FBRSL1: variants seen among roughly 807,000 people sequenced by gnomAD.
FBRSL1 encodes fibrosin-1-like protein.
Under a neutral mutation model 89.6 loss-of-function variants are expected in FBRSL1, and 51 were observed. The observed-to-expected ratio is 0.57, with a 90% CI of 0.45 to 0.72. The LOEUF is 0.72. Ranked by LOEUF, FBRSL1 falls within the 30% of genes least tolerant of loss-of-function variation. The pLI is 0.00. For synonymous variants in FBRSL1, 779 were observed against 681.1 expected, an observed-to-expected ratio of 1.14 and a Z score of -2.24; for missense variants, 1,618 against 1,451.8, an observed-to-expected ratio of 1.11 and a Z score of -1.86.
chr12:132,517,467 GC>G (rs1180295729), intron 2 of FBRSL1, among the ~76,000 whole-genome samples: 3 of 152,074 alleles, frequency 2.0e-5, no homozygotes, highest in Non-Finnish European at 4.4e-5. Context: ...TGGTCATTCC[GC>G]CCCTGTTCTG....
chr12:132,541,698 G>A (rs114682696), intron 4 of FBRSL1, among the ~76,000 whole-genome samples: 1,898 of 152,356 alleles, frequency 0.012, 38 homozygotes, highest in African/African-American at 0.042. Context: ...AGCCCTGGGG[G>A]CTGCCGGTGC....
At chr12:132,574,279 T>C (rs2137979266) in intron 12 of FBRSL1, 40 bp from the exon 13 acceptor site, 1 of 1,493,362 alleles carries the variant, frequency 6.7e-7, no homozygotes, top group Non-Finnish European at 8.9e-7. Context: ...CTCAGCCTCC[T>C]GAGGGGCCCG....
intron 1 of FBRSL1, among the ~76,000 whole-genome samples, chr12:132,495,269 G>C (rs1017437406): frequency 6.6e-6 from 1 of 152,238 alleles, no homozygotes; most frequent in Non-Finnish European, 1.5e-5. Flanking sequence ...CCAGGCATAG[G>C]ATCTGGGCTG....
chr12:132,570,251 C>T lies in FBRSL1; in HGVS notation c.1007+10C>T, dbSNP rs2039917546. 1 of 1,491,452 alleles carries T rather than the reference C, an allele frequency of 6.7e-7. No individual in the cohort carries two copies. The highest frequency in any genetic ancestry group is 2.3e-5 in the Admixed American group (1 of 43,870). 92.4% of individuals were successfully genotyped at this position (1,491,452 alleles called of 1,614,324 possible). ...GCCTGCACGGCCTCAGGTGGGGTCC[C>T]CGCGGGGGACGGGGCCTGTGTGGTC... On this transcript the variant is annotated intron_variant, in intron 7 of 18. Transcript: ENST00000680143.
intron 4 of FBRSL1, 106 bp from the exon 5 acceptor site, chr12:132,547,897 C>A: frequency 7.9e-7 from 1 of 1,261,522 alleles, no homozygotes; most frequent in Non-Finnish European, 1.1e-6. Context: ...CTGGCAGCAG[C>A]CAGGGCCGCC....
At chr12:132,555,087 T>C (rs1208705684) in intron 5 of FBRSL1, 3 of 152,206 alleles carry the variant, frequency 2.0e-5, no homozygotes, top group Non-Finnish European at 4.4e-5. Flanking sequence ...TTCTGAGCCC[T>C]GGTTTCCTTG....
intron 4 of FBRSL1, among the ~76,000 whole-genome samples, chr12:132,545,194 G>A (rs940444866): frequency 6.6e-5 from 10 of 152,150 alleles, no homozygotes; most frequent in African/African-American, 2.4e-4. Context: ...TCGGGGCCTG[G>A]GGTCTGTCCT....
chr12:132,554,379 G>T (rs542218582), intron 5 of FBRSL1: 1 of 152,368 alleles, frequency 6.6e-6, no homozygotes, highest in Non-Finnish European at 1.5e-5. Flanking sequence ...AGAAACTGGG[G>T]TCTGAAAACA....
At chr12:132,545,305 G>A (rs761499969) in intron 4 of FBRSL1, among the ~76,000 whole-genome samples, 4 of 152,230 alleles carry the variant, frequency 2.6e-5, no homozygotes, top group Admixed American at 1.3e-4. Flanking sequence ...CCTCACTCGG[G>A]CAGCTTCCGA....
chr12:132,545,117 C>T (rs771231733), intron 4 of FBRSL1, among the ~76,000 whole-genome samples: 16 of 152,166 alleles, frequency 1.1e-4, no homozygotes, highest in Non-Finnish European at 2.1e-4. Context: ...TGGGGCAGTG[C>T]GGCACAGAGC....
chr12:132,495,053 G>A (rs975715884), intron 1 of FBRSL1, among the ~76,000 whole-genome samples: 9 of 152,356 alleles, frequency 5.9e-5, no homozygotes, highest in South Asian at 2.1e-4. Context: ...TGGGCATAGG[G>A]TGTGAGCCTG....
intron 5 of FBRSL1, chr12:132,554,291 C>G (rs957648727): frequency 6.6e-6 from 1 of 152,172 alleles, no homozygotes; most frequent in Non-Finnish European, 1.5e-5. Context: ...GAGGAGGTGC[C>G]GCCCCTGCCT....
In FBRSL1 at chr12:132,523,820, G is replaced by A. The variant is rs139435706; in HGVS notation, c.490-1914G>A. Among the ~76,000 whole-genome samples the A allele has an allele frequency of 2.9e-3, 447 of 152,288 alleles. 3 individuals are homozygous for A. The highest frequency in any genetic ancestry group is 0.01 in the African/African-American group (433 of 41,556). On this transcript the variant is annotated intron_variant, in intron 2 of 18. Transcript: ENST00000680143. ...CTCTGGGAGACGATGATGCATTCCC[G>A]GGACCCCGCGTTGAGAACCGCTAGG...
At chr12:132,525,610 G>A (rs1166761630) in intron 2 of FBRSL1, 124 bp from the exon 3 acceptor site, 2 of 741,332 alleles carry the variant, frequency 2.7e-6, no homozygotes, top group Admixed American at 2.5e-5. Flanking sequence ...CCCAGCGGCT[G>A]TCGGGGCGCC....
intron 5 of FBRSL1, among the ~76,000 whole-genome samples, chr12:132,563,542 TTCCGTCTGTCCGTTTGCCTG>T (rs1256133741): frequency 6.6e-6 from 1 of 152,072 alleles, no homozygotes; most frequent in South Asian, 2.1e-4. Flanking sequence ...TTGGATCTCC[TTCCGTCTGTCCGTTTGCCTG>T]TCCGTCTGTC....
intron 4 of FBRSL1, among the ~76,000 whole-genome samples, chr12:132,536,304 T>C (rs1310314171): frequency 2.7e-5 from 4 of 147,804 alleles, no homozygotes; most frequent in Non-Finnish European, 6.0e-5. Context: ...CATGACGGGG[T>C]GTGTGAGTGC....
chr12:132,514,492 G>A (rs890126895), intron 2 of FBRSL1, among the ~76,000 whole-genome samples: 1 of 152,230 alleles, frequency 6.6e-6, no homozygotes, highest in Non-Finnish European at 1.5e-5. Flanking sequence ...CAGTGATAGG[G>A]GACATCCCTA....
At chr12:132,578,127 T>TA (rs1444981617) in intron 15 of FBRSL1, among the ~76,000 whole-genome samples, 1 of 152,186 alleles carries the variant, frequency 6.6e-6, no homozygotes, top group East Asian at 1.9e-4. Flanking sequence ...TTTTGTGTGT[T>TA]ACATGTATGA....
At chr12:132,550,087 G>A (rs1305317325) in intron 5 of FBRSL1, among the ~76,000 whole-genome samples, 1 of 151,188 alleles carries the variant, frequency 6.6e-6, no homozygotes, top group African/African-American at 2.4e-5. Context: ...GGCAGGGAGA[G>A]TTTGGCATTC....
Sources: gnomAD v4.1 joint callset for allele counts (sites outside exome capture counted in the v4.1 genomes callset) on GRCh38, gnomAD v4.1.1 for gene constraint, MANE v1.5 for transcripts, NCBI Gene and HGNC (gene_info 2026-07-23, HGNC 2026-07-21) for gene names.